GRM7: variants seen among roughly 807,000 people sequenced by gnomAD.
The protein encoded by GRM7 is metabotropic glutamate receptor 7.
In GRM7, 35 loss-of-function variants were observed where a neutral mutation model predicts 84.5. The ratio of observed to expected loss-of-function variants is 0.41; its 90% CI spans 0.32 to 0.55. The LOEUF (loss-of-function observed/expected upper bound fraction) is 0.55. GRM7 is among the 20% of genes least tolerant of loss of function. The pLI is 0.19. For synonymous variants in GRM7, 487 were observed against 455.1 expected, an observed-to-expected ratio of 1.07 and a Z score of -0.89; for missense variants, 1,003 against 1,194.6, an observed-to-expected ratio of 0.84 and a Z score of 2.36.
At chr3:6,999,594 A>G (rs1356121500) in intron 1 of GRM7, among the ~76,000 whole-genome samples, 6 of 152,182 alleles carry the variant, frequency 3.9e-5, no homozygotes, top group Admixed American at 2.0e-4. Flanking sequence ...GGTAATTTAT[A>G]AAGGAAAAAG....
intron 1 of GRM7, chr3:6,956,617 A>G (rs777621134): frequency 7.7e-5 from 35 of 456,550 alleles, no homozygotes; most frequent in Non-Finnish European, 1.2e-4. Context: ...ACGTCCTTCA[A>G]AAGTAAGTTC....
chr3:7,669,603 G>A (rs968087743), intron 8 of GRM7, among the ~76,000 whole-genome samples: 7 of 152,166 alleles, frequency 4.6e-5, no homozygotes, highest in Admixed American at 2.0e-4. Context: ...GCAAGGAGTC[G>A]AAGAACATGT....
intron 9 of GRM7, among the ~76,000 whole-genome samples, chr3:7,727,191 G>A (rs574483701): frequency 6.6e-6 from 1 of 152,124 alleles, no homozygotes; most frequent in East Asian, 1.9e-4. Flanking sequence ...GGTTTAAAAT[G>A]CCCCATCAAA....
At chr3:7,515,395 C>T (rs775256105) in intron 7 of GRM7, among the ~76,000 whole-genome samples, 4 of 152,144 alleles carry the variant, frequency 2.6e-5, no homozygotes, top group Non-Finnish European at 4.4e-5. Context: ...ATACCAGGAG[C>T]ACTGCCCCGA....
chr3:7,673,092 G>C (rs553062291), intron 8 of GRM7, among the ~76,000 whole-genome samples: 1 of 152,280 alleles, frequency 6.6e-6, no homozygotes, highest in South Asian at 2.1e-4. Context: ...CATCCTTGAT[G>C]AGTGGTTGTT....
chr3:7,631,371 A>G (rs1697853250), intron 8 of GRM7, among the ~76,000 whole-genome samples: 1 of 120,772 alleles, frequency 8.3e-6, no homozygotes, highest in African/African-American at 3.2e-5. Flanking sequence ...TTATTTCAAC[A>G]GAGACCACCA....
At chr3:7,494,280 A>T (rs1012132516) in intron 7 of GRM7, among the ~76,000 whole-genome samples, 4 of 152,186 alleles carry the variant, frequency 2.6e-5, no homozygotes, top group Non-Finnish European at 5.9e-5. Flanking sequence ...CTTCTTTCAG[A>T]ACTTGAAAAG....
At chr3:6,974,633 A>C (rs533177449) in intron 1 of GRM7, among the ~76,000 whole-genome samples, 1 of 152,174 alleles carries the variant, frequency 6.6e-6, no homozygotes, top group Non-Finnish European at 1.5e-5. Flanking sequence ...GAGATGTTTC[A>C]AGGAAGAGGT....
At chr3:7,181,233 G>T (rs186084153) in intron 2 of GRM7, among the ~76,000 whole-genome samples, 12 of 152,144 alleles carry the variant, frequency 7.9e-5, no homozygotes, top group Admixed American at 7.9e-4. Flanking sequence ...GGGACATATG[G>T]CATCCCATCA....
Position 7,303,451 on chromosome 3 carries a change from ATAT to A in GRM7, c.879-3043_879-3041del, listed in dbSNP as rs545076814. Among the ~76,000 whole-genome samples the A allele has an allele frequency of 1.0e-3, 154 of 152,150 alleles. 2 individuals are homozygous for A. Among genetic ancestry groups the A allele is most frequent in the African/African-American group, 3.5e-3 (146 of 41,538 alleles). On this transcript the variant is annotated intron_variant, in intron 3 of 9. Transcript: ENST00000357716. ...ACAATTTTTAAATTATTAATTTTAA[ATAT>A]TATCTAATTCTTATGTTAAACAGAA... is the stretch of plus-strand genomic sequence containing the variant.
At chr3:6,882,027 C>G (rs1248935087) in intron 1 of GRM7, among the ~76,000 whole-genome samples, 1 of 151,830 alleles carries the variant, frequency 6.6e-6, no homozygotes, top group Non-Finnish European at 1.5e-5. Flanking sequence ...TCACTGTTAT[C>G]TTTCCTGGTT....
chr3:7,516,506 GAAA>G (rs2124984368), intron 7 of GRM7, among the ~76,000 whole-genome samples: 1 of 100,410 alleles, frequency 1.0e-5, no homozygotes, highest in Admixed American at 1.0e-4. Flanking sequence ...AAAAAAAAAA[GAAA>G]TAGTTAGTTC....
At chr3:7,553,431 C>G (rs1318156170) in intron 7 of GRM7, among the ~76,000 whole-genome samples, 1 of 152,224 alleles carries the variant, frequency 6.6e-6, no homozygotes, top group Non-Finnish European at 1.5e-5. Context: ...TTTCAAGTGT[C>G]TGTATAGCAG....
intron 7 of GRM7, among the ~76,000 whole-genome samples, chr3:7,509,417 A>C (rs565741886): frequency 1.3e-5 from 2 of 152,194 alleles, no homozygotes; most frequent in Non-Finnish European, 2.9e-5. Context: ...ACGGGGCTAC[A>C]TAGGATGGGT....
chr3:7,263,995 C>T (rs760082644), intron 2 of GRM7, among the ~76,000 whole-genome samples: 4 of 151,988 alleles, frequency 2.6e-5, no homozygotes, highest in Non-Finnish European at 4.4e-5. Context: ...GTGGGGAGGG[C>T]GCAGGCAGGC....
chr3:7,433,454 A>G (rs988945877), intron 5 of GRM7, among the ~76,000 whole-genome samples: 3 of 152,212 alleles, frequency 2.0e-5, no homozygotes, highest in African/African-American at 7.2e-5. Context: ...AGCTGGCACA[A>G]TAACTGAGTC....
intron 7 of GRM7, among the ~76,000 whole-genome samples, chr3:7,487,058 T>C (rs375006296): frequency 2.0e-5 from 3 of 152,162 alleles, no homozygotes; most frequent in Non-Finnish European, 2.9e-5. Context: ...TATTGGGATT[T>C]GAAGTAAAAT....
intron 1 of GRM7, among the ~76,000 whole-genome samples, chr3:6,870,218 T>C (rs1695077205): frequency 6.6e-6 from 1 of 152,184 alleles, no homozygotes. Context: ...TTGGTAGTGC[T>C]AGGGGCTATA....
intron 4 of GRM7, among the ~76,000 whole-genome samples, chr3:7,404,835 G>T (rs754094450): frequency 2.0e-5 from 3 of 151,868 alleles, no homozygotes; most frequent in Non-Finnish European, 4.4e-5. Context: ...TTAAGCCAAA[G>T]ACACTCTATA....
Sources: allele counts gnomAD v4.1 joint callset (sites outside exome capture counted in the v4.1 genomes callset), GRCh38; gene constraint gnomAD v4.1.1; transcripts MANE v1.5; gene names NCBI Gene and HGNC (gene_info 2026-07-23, HGNC 2026-07-21).